The following SCAND3 variants were observed in gnomAD, a reference collection of about 807,000 sequenced individuals.
SCAND3 encodes SCAN domain containing 3, also known as SCAN domain-containing protein 3.
chr6:28,586,798 T>C, the SCAND3 span: 1 of 1,310,668 alleles, frequency 7.6e-7, no homozygotes, highest in Non-Finnish European at 1.0e-6. This position sits in a 1 kb window ranked among gnomAD's most constrained non-coding sequence, Gnocchi z 4.4. Flanking sequence ...GCTCCTTTTT[T>C]GTTCTTGGTC....
At chr6:28,587,258 T>C in the SCAND3 span, 13 of 153,632 alleles carry the variant, frequency 8.5e-5, no homozygotes, top group Non-Finnish European at 1.6e-4. Context: ...GGAAACACTC[T>C]ACAGCTCAGG....
chr6:28,614,467 T>C, the SCAND3 span, among the ~76,000 whole-genome samples: 1 of 152,068 alleles, frequency 6.6e-6, no homozygotes, highest in African/African-American at 2.4e-5. Context: ...TTTTCTTTTT[T>C]CTTTTCTTTT....
the SCAND3 span, among the ~76,000 whole-genome samples, chr6:28,595,100 G>A: frequency 6.8e-6 from 1 of 146,752 alleles, no homozygotes; most frequent in Admixed American, 7.0e-5. Flanking sequence ...GTAATCCCAC[G>A]CCTGCAATCC....
the SCAND3 span, chr6:28,575,493 A>G: frequency 4.3e-5 from 70 of 1,613,864 alleles, no homozygotes; most frequent in Non-Finnish European, 5.3e-5. This position sits in a 1 kb window ranked among gnomAD's most constrained non-coding sequence, Gnocchi z 4.2. Context: ...ACCGCAAAAA[A>G]GTTAACTTTG....
the SCAND3 span, among the ~76,000 whole-genome samples, chr6:28,577,380 T>C: frequency 6.6e-6 from 1 of 152,218 alleles, no homozygotes; most frequent in Admixed American, 6.5e-5. Flanking sequence ...GCATACCAAA[T>C]AGTGAGACAG....
chr6:28,572,314 T>C, the SCAND3 span: 1 of 1,599,462 alleles, frequency 6.3e-7, no homozygotes, highest in South Asian at 1.1e-5. This position sits in a 1 kb window ranked among gnomAD's most constrained non-coding sequence, Gnocchi z 4.1. Flanking sequence ...TGATGGAAAA[T>C]AAAATTCAAA....
chr6:28,596,570 G>A, the SCAND3 span, among the ~76,000 whole-genome samples: 2 of 151,932 alleles, frequency 1.3e-5, no homozygotes, highest in African/African-American at 4.8e-5. Flanking sequence ...TTGGAATCAT[G>A]TGAATGCAGT....
the SCAND3 span, among the ~76,000 whole-genome samples, chr6:28,607,455 C>T: frequency 6.6e-6 from 1 of 151,854 alleles, no homozygotes; most frequent in Non-Finnish European, 1.5e-5. Context: ...GGATTTCATG[C>T]TATGGTATTA....
chr6:28,597,350 G>A, the SCAND3 span, among the ~76,000 whole-genome samples: 2 of 152,204 alleles, frequency 1.3e-5, no homozygotes, highest in South Asian at 2.1e-4. Flanking sequence ...CGACGAGGAT[G>A]GGATTCGAAC....
At chr6:28,606,915 T>C in the SCAND3 span, among the ~76,000 whole-genome samples, 3 of 152,218 alleles carry the variant, frequency 2.0e-5, no homozygotes, top group African/African-American at 7.2e-5. Flanking sequence ...TGGGGCCTTA[T>C]GGTTGAAAAC....
At chr6:28,589,863 T>TTG in the SCAND3 span, 7 of 149,868 alleles carry the variant, frequency 4.7e-5, no homozygotes, top group Admixed American at 4.0e-4. Context: ...TTTGTTTTTT[T>TTG]TTTTTTTTTT....
At chr6:28,585,698 T>C in the SCAND3 span, among the ~76,000 whole-genome samples, 9 of 152,166 alleles carry the variant, frequency 5.9e-5, no homozygotes, top group African/African-American at 2.2e-4. Context: ...CACTAAAAAA[T>C]ATAAGAATGT....
At chr6:28,600,237 C>G in the SCAND3 span, among the ~76,000 whole-genome samples, 3 of 151,984 alleles carry the variant, frequency 2.0e-5, no homozygotes, top group African/African-American at 7.2e-5. Flanking sequence ...AACAAACGAC[C>G]CAGTTAAAAT....
the SCAND3 span, chr6:28,589,368 C>A: frequency 6.6e-6 from 1 of 152,008 alleles, no homozygotes; most frequent in Non-Finnish European, 1.5e-5. Context: ...ACCTACTGTA[C>A]CCTTGTGGTT....
At chr6:28,577,883 T>C in the SCAND3 span, among the ~76,000 whole-genome samples, 28 of 152,220 alleles carry the variant, frequency 1.8e-4, no homozygotes, top group Admixed American at 1.7e-3. Flanking sequence ...TTCTCTGAGA[T>C]GTCCATCCTA....
chr6:28,578,017 T>C, the SCAND3 span, among the ~76,000 whole-genome samples: 1 of 152,334 alleles, frequency 6.6e-6, no homozygotes, highest in South Asian at 2.1e-4. Flanking sequence ...GGTCTTAATT[T>C]TGAGGGGACC....
the SCAND3 span, chr6:28,574,500 AAAGT>A: frequency 2.8e-6 from 2 of 721,086 alleles, no homozygotes; most frequent in Non-Finnish European, 2.3e-6. Context: ...AGAAGCATTA[AAAGT>A]AATTAGGCCT....
At chr6:28,614,652 A>G in the SCAND3 span, among the ~76,000 whole-genome samples, 1 of 151,894 alleles carries the variant, frequency 6.6e-6, no homozygotes, top group South Asian at 2.1e-4. Context: ...TTTAGTAGAG[A>G]TGGGGTTTCA....
At chr6:28,605,423 C>G in the SCAND3 span, among the ~76,000 whole-genome samples, 14 of 152,074 alleles carry the variant, frequency 9.2e-5, no homozygotes, top group Middle Eastern at 3.4e-3. Flanking sequence ...AAGTACAGAC[C>G]AATGACTGAA....
Sources: gnomAD v4.1 joint callset for allele counts (sites outside exome capture counted in the v4.1 genomes callset) on GRCh38, gnomAD v4.1.1 for gene constraint, Gnocchi (gnomAD v3.1) non-coding constraint, MANE v1.5 for transcripts, NCBI Gene and HGNC (gene_info 2026-07-23, HGNC 2026-07-21) for gene names.